ZBTB4: variants seen among roughly 807,000 people sequenced by gnomAD.
ZBTB4 encodes zinc finger and BTB domain containing 4, also known as zinc finger and BTB domain-containing protein 4.
ZBTB4 carries 14 observed loss-of-function variants against 59.8 expected under a neutral mutation model. The ratio of observed to expected loss-of-function variants is 0.23; its 90% CI spans 0.15 to 0.37. The LOEUF (loss-of-function observed/expected upper bound fraction) is 0.37, where lower values mean the gene tolerates loss of function less well. ZBTB4 is among the 10% of genes least tolerant of loss of function. ZBTB4 has a pLI of 1.00. For synonymous variants in ZBTB4, 587 were observed against 575.2 expected (o/e 1.02, Z -0.29); for missense variants, 1,198 against 1,380.8 (o/e 0.87, Z 2.10).
chr17:7,477,631 A>G (rs1290134152), intron 1 of ZBTB4, among the ~76,000 whole-genome samples: 1 of 152,200 alleles, frequency 6.6e-6, no homozygotes, highest in Non-Finnish European at 1.5e-5. Context: ...GTTCTGAGGA[A>G]TCTGCCTAGT....
chr17:7,465,807 G>A lies in ZBTB4; in HGVS notation c.995C>T (p.Ser332Leu), dbSNP rs2070111598. 6.2e-7 allele frequency: 1 copy of A among 1,614,082 alleles called. No individual in the cohort carries two copies. The highest frequency in any genetic ancestry group is 8.5e-7 in the Non-Finnish European group (1 of 1,180,054). ...SSLKRHSNVH[S>L]WRRKYPCRYC... is the part of the protein sequence containing the mutation. The stretch of plus-strand genomic sequence containing the variant: ...GCGGCAGGGGTACTTCCTCCGCCAC[G>A]AGTGTACATTGCTGTGTCTCTTCAG... The change falls in exon 3 of 4, where the codon TCG becomes TTG. Residue 332 changes from serine to leucine, a missense_variant. Physicochemically the swap from Ser to Leu is moderately radical, Grantham distance 145 (BLOSUM62 -2). Transcript: ENST00000380599.
chr17:7,462,787 G>GCA lies in ZBTB4; in HGVS notation c.2193_2194dup (p.Ala732ValfsTer8), dbSNP rs1254697599. ...CTTTCTCAGGGTGGTGAAGGTCTGG[G>GCA]CACAGTCCCCGCATCGGTGCCTCCG... On this transcript the variant is annotated frameshift_variant, in exon 4 of 4. Coordinates refer to ENST00000380599, the MANE Select transcript of ZBTB4 (RefSeq NM_001128833.2). LOFTEE classifies it high-confidence loss of function. This position sits in a 1 kb window ranked among gnomAD's most constrained non-coding sequence, Gnocchi z 7.5. The GCA allele has an allele frequency of 6.2e-7, 1 of 1,602,318 alleles. No homozygotes were observed. Among genetic ancestry groups the GCA allele is most frequent in the Admixed American group, 1.7e-5 (1 of 60,002 alleles).
In ZBTB4 at chr17:7,463,292, C is replaced by T. The variant is rs1490892217; in HGVS notation, c.1690G>A (p.Ala564Thr). ...TEEAKGRNPR[A>T]GRTLTYTAKP... ...GCTGTGTAAGTCAGAGTCCTTCCAG[C>T]CCGTGGATTCCGGCCCTTGGCCTCC... Residue 564 changes from alanine to threonine, a missense_variant, in exon 4 of 4, where the codon GCT becomes ACT. Coordinates refer to ENST00000380599, the MANE Select transcript of ZBTB4 (RefSeq NM_001128833.2). 1 of 1,610,296 alleles carries T rather than the reference C, an allele frequency of 6.2e-7. No individual in the cohort carries two copies. Among genetic ancestry groups the T allele is most frequent in the Non-Finnish European group, 8.5e-7 (1 of 1,178,694 alleles).
rs2070316541 is a variant in ZBTB4, at chr17:7,479,566, G to A, written c.-191C>T. On this transcript the variant is annotated 5_prime_UTR_variant, in exon 1 of 4. Coordinates refer to ENST00000380599, the MANE Select transcript of ZBTB4 (RefSeq NM_001128833.2). The stretch of plus-strand genomic sequence containing the variant: ...CGGCTCCGGCTCCAGCTCCGGCCCT[G>A]GCCCCCCCAGCGCCTGGCCCCGGCC... 1 of 168,730 alleles carries A rather than the reference G, an allele frequency of 5.9e-6. No individual in the cohort carries two copies. The highest frequency in any genetic ancestry group is 1.2e-5 in the Non-Finnish European group (1 of 81,950). The allele number at this position is 168,730 out of a possible 1,614,324, so 10.5% of individuals were successfully genotyped here. A position where few individuals can be genotyped will look rare whatever the true frequency, so the allele number is the denominator to read the frequency against.
Position 7,466,806 on chromosome 17 carries a change from C to T in ZBTB4, c.-5G>A. The T allele has an allele frequency of 2.6e-6, 4 of 1,543,924 alleles. No individual in the cohort carries two copies. The highest frequency in any genetic ancestry group is 3.5e-6 in the Non-Finnish European group (4 of 1,146,482). ...CACCTCTGCAGGGGGGGGCATGGTG[C>T]CAGCCTAGACAGTGGGAGAAGAGGC... On this transcript the variant is annotated 5_prime_UTR_variant, in exon 3 of 4. It introduces an in-frame stop codon into an upstream open reading frame of the 5' UTR. Transcript: ENST00000380599. The surrounding 1 kb of genome is among the most constrained non-coding windows in gnomAD (Gnocchi z 9.1).
In ZBTB4 at chr17:7,461,803, CCT is replaced by C. The variant is rs1399519153; in HGVS notation, c.*135_*136del. ...ACATCTCACACAAAGCAGCCTGACC[CCT>C]GAGCTCCAGGGGCCCCCAAGTCCCT... On this transcript the variant is annotated 3_prime_UTR_variant, in exon 4 of 4. Coordinates refer to ENST00000380599, the MANE Select transcript of ZBTB4 (RefSeq NM_001128833.2). 1.5e-6 allele frequency: 1 copy of C among 664,490 alleles called. No homozygotes were observed. 41.2% of individuals were successfully genotyped at this position (664,490 alleles called of 1,614,324 possible).
chr17:7,468,122 G>C (rs1567688163), intron 1 of ZBTB4, among the ~76,000 whole-genome samples: 1 of 152,252 alleles, frequency 6.6e-6, no homozygotes, highest in African/African-American at 2.4e-5. Flanking sequence ...CGTAATCCCA[G>C]CAGTTTGGGA....
rs1161891528 is a variant in ZBTB4 at position 7,460,194 on chromosome 17, GTCACTCAGGC to G, written c.*1736_*1745del. ...ACTTGGTACATTCAGTAGGAAATTC[GTCACTCAGGC>G]TGTGGCCAAGACCAAGAAAAGTGCA... On this transcript the variant is annotated 3_prime_UTR_variant, in exon 4 of 4. Transcript: ENST00000380599. 2.0e-5 allele frequency: 3 copies of G among 152,182 alleles called. No homozygotes were observed. Among genetic ancestry groups the G allele is most frequent in the African/African-American group, 7.3e-5 (3 of 41,328 alleles). The allele number at this position is 152,182 out of a possible 1,614,324, so 9.4% of individuals were successfully genotyped here. A position where few individuals can be genotyped will look rare whatever the true frequency, so the allele number is the denominator to read the frequency against.
chr17:7,479,137 G>C (rs534209286), intron 1 of ZBTB4, among the ~76,000 whole-genome samples: 3 of 152,266 alleles, frequency 2.0e-5, no homozygotes, highest in African/African-American at 7.2e-5. Context: ...ACGGGGGGAG[G>C]GGGCCATTAG....
intron 1 of ZBTB4, among the ~76,000 whole-genome samples, chr17:7,474,422 T>C (rs1409352758): frequency 6.6e-6 from 1 of 152,014 alleles, no homozygotes; most frequent in Non-Finnish European, 1.5e-5. Context: ...CTTCACCATG[T>C]TGCCCAGGTT....
upstream of ZBTB4, chr17:7,483,108 A>G: frequency 6.5e-7 from 1 of 1,541,686 alleles, no homozygotes. Flanking sequence ...GGTGTGGGAG[A>G]GGGATACCTC....
chr17:7,476,448 G>A (rs912973052), intron 1 of ZBTB4, among the ~76,000 whole-genome samples: 14 of 152,294 alleles, frequency 9.2e-5, no homozygotes, highest in East Asian at 5.8e-4. Flanking sequence ...AGGAGTTTGA[G>A]TCCAGCCTGG....
rs1429676175 is a variant in ZBTB4, at chr17:7,460,296, C to T, written c.*1644G>A. 6.6e-6 allele frequency: 1 copy of T among 152,572 alleles called. No homozygotes were observed. 9.5% of individuals were successfully genotyped at this position (152,572 alleles called of 1,614,324 possible). On this transcript the variant is annotated 3_prime_UTR_variant, in exon 4 of 4. Transcript: ENST00000380599. ...AACATTCAGGGAGCCTGTCTAAAAC[C>T]TCCCCTTTTGTATATGCTGGGAGGG...
rs779638184 is a variant in ZBTB4, at chr17:7,462,185, C to T, written c.2797G>A (p.Ala933Thr). 10 of 1,613,692 alleles carry T rather than the reference C, an allele frequency of 6.2e-6. No homozygotes were observed. Among genetic ancestry groups the T allele is most frequent in the South Asian group, 3.3e-5 (3 of 91,052 alleles). Residue 933 changes from alanine to threonine, a missense_variant, in exon 4 of 4, where the codon GCC becomes ACC. Physicochemically the swap from Ala to Thr is moderately conservative, Grantham distance 58. Transcript: ENST00000380599. This position sits in a 1 kb window ranked among gnomAD's most constrained non-coding sequence, Gnocchi z 7.5. ...AAGTTACTGAAGTTGTAAGGGTAGG[C>T]GGCAAGGAGCTGGGGGCCATAGACG... ...PLVYGPQLLA[A>T]YPYNFSNLAA...
Position 7,464,780 on chromosome 17 carries a change from C to G in ZBTB4, c.1092-890G>C, listed in dbSNP as rs1224922051. 8.5e-5 allele frequency among the ~76,000 whole-genome samples: 12 copies of G among 141,908 alleles called. 1 individual carries two copies. The highest frequency in any genetic ancestry group is 4.3e-4 in the Admixed American group (6 of 14,080). 93.1% of individuals were successfully genotyped at this position (141,908 alleles called of 152,430 possible). A position where few individuals can be genotyped will look rare whatever the true frequency, so the allele number is the denominator to read the frequency against. On this transcript the variant is annotated intron_variant, in intron 3 of 3. Transcript: ENST00000380599. ...TTGAACCCAGGAGGTAGAGGTTGCACTGAGCTGAGATTGCGCCACTGCACT... is the reference window on the plus strand; with the variant it reads ...TTGAACCCAGGAGGTAGAGGTTGCAGTGAGCTGAGATTGCGCCACTGCACT...
chr17:7,463,950 A>G (rs1334838080), intron 3 of ZBTB4, 60 bp from the exon 4 acceptor site: 3 of 1,554,034 alleles, frequency 1.9e-6, no homozygotes, highest in Admixed American at 3.7e-5. Context: ...AGGGCCCTGA[A>G]GCCTCCCAGG....
upstream of ZBTB4, chr17:7,482,722 G>A: frequency 6.2e-7 from 1 of 1,612,058 alleles, no homozygotes; most frequent in Non-Finnish European, 8.5e-7. Context: ...CCCCCGTGTT[G>A]CCCAGTGATC....
At chr17:7,481,988 G>C (rs766064629), upstream of ZBTB4, 1 of 1,588,480 alleles carries the variant, frequency 6.3e-7, no homozygotes, top group Non-Finnish European at 8.6e-7. Context: ...TCCCTAACAG[G>C]CTGGCAGTCA....
chr17:7,463,096 C>T lies in ZBTB4; in HGVS notation c.1886G>A (p.Ser629Asn), dbSNP rs577365037. 46 of 1,610,664 alleles carry T rather than the reference C, an allele frequency of 2.9e-5. 1 individual carries two copies. In the South Asian group the frequency reaches 4.8e-4, roughly 17 times the overall value. Residue 629 changes from serine to asparagine, a missense_variant, in exon 4 of 4, where the codon AGC becomes AAC. Ser to Asn is a conservative substitution (Grantham distance 46). Coordinates refer to ENST00000380599, the MANE Select transcript of ZBTB4 (RefSeq NM_001128833.2). ...CTCACTCTCCTCCATCTCCTCTCCG[C>T]TCAGCTCCCCAGGACGCAGGTCAGT... ...SETDLRPGEL[S>N]GEEMEESEED...
Sources: gnomAD v4.1 joint callset for allele counts (sites outside exome capture counted in the v4.1 genomes callset) on GRCh38, gnomAD v4.1.1 for gene constraint, Gnocchi (gnomAD v3.1) non-coding constraint, MANE v1.5 for transcripts, NCBI Gene and HGNC (gene_info 2026-07-23, HGNC 2026-07-21) for gene names.